Variants in PDE3B observed in about 807,000 individuals in gnomAD.
PDE3B encodes phosphodiesterase 3B.
A neutral mutation model predicts 116.8 loss-of-function variants in PDE3B; 66 were observed. That is an observed-to-expected ratio of 0.56 (90% CI 0.46 to 0.69). The LOEUF is 0.69. PDE3B is among the 30% of genes least tolerant of loss of function. PDE3B has a pLI of 0.00. For missense variants in PDE3B, 1,384 were observed against 1,368.1 expected (o/e 1.01, Z -0.18); for synonymous variants, 595 against 533.6 (o/e 1.12, Z -1.59).
the PDE3B span, among the ~76,000 whole-genome samples, chr11:14,894,426 T>C: frequency 6.6e-6 from 1 of 152,090 alleles, no homozygotes; most frequent in African/African-American, 2.4e-5. Context: ...GGCTTACAGT[T>C]TTTGGTCTGG....
At chr11:14,796,271 A>G (rs1490821587) in intron 4 of PDE3B, among the ~76,000 whole-genome samples, 1 of 152,140 alleles carries the variant, frequency 6.6e-6, no homozygotes, top group Non-Finnish European at 1.5e-5. Context: ...TATCCAGTCT[A>G]TCATTGATGG....
At position 14,654,366 on chromosome 11, in the gene PDE3B, C is replaced by T. The variant is rs182334955; in HGVS notation, c.978+9313C>T. Among the ~76,000 whole-genome samples the T allele has an allele frequency of 1.3e-3, 194 of 152,184 alleles. 1 individual carries two copies. The highest frequency in any genetic ancestry group is 4.3e-3 in the African/African-American group (178 of 41,516). ...TACTGAAAGGTGACTTATTAGTAGC[C>T]ACAGTGGAATCCATAAAGCAGTGGA... is the stretch of plus-strand genomic sequence containing the variant. On this transcript the variant is annotated intron_variant, in intron 1 of 15. Transcript: ENST00000282096.
intron 1 of PDE3B, among the ~76,000 whole-genome samples, chr11:14,682,776 G>T (rs1043717873): frequency 2.6e-5 from 4 of 151,458 alleles, no homozygotes; most frequent in Admixed American, 2.6e-4. Context: ...TAGGCCTGTA[G>T]TTTTTTGTTG....
At chr11:14,653,631 T>C (rs112747460) in intron 1 of PDE3B, among the ~76,000 whole-genome samples, 222 of 151,662 alleles carry the variant, frequency 1.5e-3, no homozygotes, top group African/African-American at 4.9e-3. Flanking sequence ...ATAAGAAATA[T>C]AAAAACACGT....
intron 1 of PDE3B, among the ~76,000 whole-genome samples, chr11:14,662,719 T>C (rs1428631837): frequency 1.3e-5 from 2 of 152,096 alleles, no homozygotes; most frequent in Non-Finnish European, 2.9e-5. Context: ...TGATGGAAGA[T>C]GAAATGAATG....
chr11:14,828,138 T>A (rs942077910), intron 7 of PDE3B, among the ~76,000 whole-genome samples: 2 of 152,160 alleles, frequency 1.3e-5, no homozygotes, highest in African/African-American at 2.4e-5. Context: ...TAAAACTGGA[T>A]CCCTTCCTTA....
At chr11:14,785,727 A>AT (rs1164411179) in intron 2 of PDE3B, among the ~76,000 whole-genome samples, 1 of 151,790 alleles carries the variant, frequency 6.6e-6, no homozygotes, top group Non-Finnish European at 1.5e-5. Context: ...TTTTCTACCA[A>AT]TTTTTTAAGG....
At chr11:14,887,873 G>C in the PDE3B span, among the ~76,000 whole-genome samples, 1 of 152,150 alleles carries the variant, frequency 6.6e-6, no homozygotes, top group Non-Finnish European at 1.5e-5. Flanking sequence ...ATAACCTGCA[G>C]GTGACCGGTC....
In PDE3B at chr11:14,678,497, C is replaced by A. The variant is rs552798847; in HGVS notation, c.978+33444C>A. Among the ~76,000 whole-genome samples the A allele has an allele frequency of 7.9e-5, 12 of 152,274 alleles. No homozygotes were observed. In the East Asian group the frequency reaches 2.3e-3, roughly 29 times the overall value. ...TCTAGTAGTTCCACATCCTGACCAGCACTTGGTATTGTTAGTATTTTTAAT... is the reference window on the plus strand; with the variant it reads ...TCTAGTAGTTCCACATCCTGACCAGAACTTGGTATTGTTAGTATTTTTAAT... On this transcript the variant is annotated intron_variant, in intron 1 of 15. Coordinates refer to ENST00000282096, the MANE Select transcript of PDE3B (RefSeq NM_000922.4).
intron 1 of PDE3B, among the ~76,000 whole-genome samples, chr11:14,670,586 G>T (rs960043445): frequency 1.3e-5 from 2 of 152,060 alleles, no homozygotes; most frequent in African/African-American, 4.8e-5. Flanking sequence ...TAGCTCATGA[G>T]ATAATGATTT....
intron 2 of PDE3B, among the ~76,000 whole-genome samples, chr11:14,776,858 TA>T (rs1385787633): frequency 6.6e-6 from 1 of 151,422 alleles, no homozygotes; most frequent in Non-Finnish European, 1.5e-5. Flanking sequence ...GAGGATAAAA[TA>T]AAAAATCACC....
chr11:14,731,802 C>G (rs1202623422), intron 1 of PDE3B, among the ~76,000 whole-genome samples: 2 of 152,124 alleles, frequency 1.3e-5, no homozygotes, highest in Non-Finnish European at 2.9e-5. Context: ...CTAGTGTGTT[C>G]TGTGCACTGA....
At chr11:14,662,174 C>T (rs537974373) in intron 1 of PDE3B, among the ~76,000 whole-genome samples, 13 of 152,318 alleles carry the variant, frequency 8.5e-5, no homozygotes, top group Admixed American at 2.6e-4. Context: ...CTGCAGCCAC[C>T]GCTGCTGTTA....
chr11:14,826,097 A>G (rs1188891902), intron 7 of PDE3B, among the ~76,000 whole-genome samples: 1 of 152,170 alleles, frequency 6.6e-6, no homozygotes, highest in Non-Finnish European at 1.5e-5. Flanking sequence ...AACCTACAAA[A>G]TCTCTGGGAC....
At chr11:14,738,740 AC>A (rs370670071) in intron 1 of PDE3B, among the ~76,000 whole-genome samples, 7 of 152,318 alleles carry the variant, frequency 4.6e-5, no homozygotes, top group African/African-American at 1.7e-4. Flanking sequence ...TTTAGGTCTT[AC>A]GCTTAAGTCT....
At chr11:14,812,850 G>A (rs989967085) in intron 5 of PDE3B, among the ~76,000 whole-genome samples, 1 of 152,176 alleles carries the variant, frequency 6.6e-6, no homozygotes, top group Non-Finnish European at 1.5e-5. Flanking sequence ...CCCAATTCAT[G>A]TGTTGAAACC....
At chr11:14,848,960 T>A (rs987804777) in intron 12 of PDE3B, among the ~76,000 whole-genome samples, 12 of 152,162 alleles carry the variant, frequency 7.9e-5, no homozygotes, top group African/African-American at 2.9e-4. Context: ...TACCAATGAC[T>A]TTCTTCCCAG....
intron 1 of PDE3B, among the ~76,000 whole-genome samples, chr11:14,650,452 C>T (rs1853542232): frequency 6.6e-6 from 1 of 152,142 alleles, no homozygotes; most frequent in African/African-American, 2.4e-5. Context: ...AGCCATCTGC[C>T]CACCTTGGCC....
chr11:14,687,071 T>A (rs1854900386), intron 1 of PDE3B, among the ~76,000 whole-genome samples: 1 of 152,220 alleles, frequency 6.6e-6, no homozygotes, highest in South Asian at 2.1e-4. Context: ...TTATATTTAT[T>A]CGTTTTGGTA....
Sources: allele counts gnomAD v4.1 joint callset (sites outside exome capture counted in the v4.1 genomes callset), GRCh38; gene constraint gnomAD v4.1.1; transcripts MANE v1.5; gene names NCBI Gene and HGNC (gene_info 2026-07-23, HGNC 2026-07-21).